IRX1: variants seen among roughly 807,000 people sequenced by gnomAD.
IRX1 encodes iroquois-class homeodomain protein IRX-1.
Under a neutral mutation model 34.1 loss-of-function variants are expected in IRX1, and 22 were observed. The ratio of observed to expected loss-of-function variants is 0.64; its 90% CI spans 0.46 to 0.92. IRX1 has a LOEUF of 0.92. Among genes scored for constraint, IRX1 ranks in the 40% least tolerant of loss-of-function variants. The pLI is 0.00. For synonymous variants in IRX1, 363 were observed against 319.0 expected, an observed-to-expected ratio of 1.14 and a Z score of -1.47; for missense variants, 758 against 680.0, an observed-to-expected ratio of 1.11 and a Z score of -1.28.
intron 1 of IRX1, 45 bp downstream of exon 1, chr5:3,596,426 G>T (rs1253819008): frequency 1.4e-6 from 2 of 1,424,520 alleles, no homozygotes; most frequent in Non-Finnish European, 1.8e-6. Context: ...TCTCACCCGC[G>T]CCAGGGCAAG....
Position 3,596,275 on chromosome 5 carries a change from T to C in IRX1, c.170T>C (p.Val57Ala). 1 of 1,273,446 alleles carries C rather than the reference T, an allele frequency of 7.9e-7. No homozygotes were observed. The highest frequency in any genetic ancestry group is 3.0e-5 in the East Asian group (1 of 32,884). 78.9% of individuals were successfully genotyped at this position (1,273,446 alleles called of 1,614,324 possible). ...ELGGGAGAAA[V>A]TSVLGMYAAA... ...GGCGGCGGGGCAGGCGCGGCTGCAG[T>C]CACCTCGGTGCTGGGCATGTACGCG... Residue 57 changes from valine to alanine, a missense_variant, in exon 1 of 4, where the codon GTC becomes GCC. Physicochemically the swap from Val to Ala is moderately conservative, Grantham distance 64 (BLOSUM62 0). Coordinates refer to ENST00000302006, the MANE Select transcript of IRX1 (RefSeq NM_024337.4).
chr5:3,596,539 C>T (rs1041767491), intron 1 of IRX1, among the ~76,000 whole-genome samples, 158 bp downstream of exon 1: 3 of 152,048 alleles, frequency 2.0e-5, no homozygotes, highest in African/African-American at 4.8e-5. Context: ...GCCGCGGCCC[C>T]CGGGGACGCA....
At chr5:3,597,088 A>G (rs1242755660) in intron 1 of IRX1, among the ~76,000 whole-genome samples, 4 of 152,146 alleles carry the variant, frequency 2.6e-5, no homozygotes, top group East Asian at 3.9e-4. Flanking sequence ...TTTCATTTGC[A>G]CAGAAAGAAA....
Position 3,596,302 on chromosome 5 carries a change from CG to C in IRX1, c.199del (p.Ala67ArgfsTer32). 6.9e-7 allele frequency: 1 copy of C among 1,454,854 alleles called. No homozygotes were observed. The highest frequency in any genetic ancestry group is 9.0e-7 in the Non-Finnish European group (1 of 1,106,086). The allele number at this position is 1,454,854 out of a possible 1,614,324, so 90.1% of individuals were successfully genotyped here. On this transcript the variant is annotated frameshift_variant, in exon 1 of 4. Transcript: ENST00000302006. LOFTEE classifies it high-confidence loss of function. ...ACCTCGGTGCTGGGCATGTACGCGG[CG>C]GCGGGGCCGTACGCGGGCGCGCCCA... is the stretch of plus-strand genomic sequence containing the variant. Reference protein sequence around the residue: ...AVTSVLGMYAAAGPYAGAPNY... With the variant: ...AVTSVLGMYAXAGPYAGAPNY...
At position 3,599,696 on chromosome 5, in the gene IRX1, G is replaced by A. The variant is rs1733904792; in HGVS notation, c.748G>A (p.Glu250Lys). 1 of 1,612,942 alleles carries A rather than the reference G, an allele frequency of 6.2e-7. No homozygotes were observed. Among genetic ancestry groups the A allele is most frequent in the Admixed American group, 1.7e-5 (1 of 59,998 alleles). The stretch of plus-strand genomic sequence containing the variant: ...CAACGAGGATGACGAGGACAAGGCC[G>A]AGGCTCCGCACGCGCCCGCAGCCCC... ...QSNEDDEDKAEAPHAPAAPSA... is the reference protein window; with the variant it reads ...QSNEDDEDKAKAPHAPAAPSA... Residue 250 changes from glutamate (E) to lysine (K), a missense_variant, in exon 2 of 4, where the codon GAG becomes AAG. Glu to Lys is a moderately conservative substitution (Grantham distance 56, BLOSUM62 1). Around this residue, in one of 3 missense-constraint regions of IRX1, gnomAD observed 529 missense variants for 418.8 expected, o/e 1.26. Transcript: ENST00000302006. This position sits in a 1 kb window ranked among gnomAD's most constrained non-coding sequence, Gnocchi z 6.6.
rs549380475 is a variant in IRX1 at position 3,596,664 on chromosome 5, C to A, written c.276+283C>A. On this transcript the variant is annotated intron_variant, in intron 1 of 3. Transcript: ENST00000302006. ...TTCAGAGAGGCCGCAGAAGCAGGCCCGTGGAGCGGTGCCCGCGCTGGAGGT... is the reference window on the plus strand; with the variant it reads ...TTCAGAGAGGCCGCAGAAGCAGGCCAGTGGAGCGGTGCCCGCGCTGGAGGT... 1.7e-4 allele frequency among the ~76,000 whole-genome samples: 26 copies of A among 152,226 alleles called. No homozygotes were observed. The South Asian group carries it at 5.4e-3, about 32-fold the overall frequency.
rs1265678640 is a variant in IRX1, at chr5:3,596,380, T to G, written c.275T>G (p.Met92Arg). Residue 92 changes from methionine (M) to arginine (R), a missense_variant and splice_region_variant, in exon 1 of 4, where the codon ATG (methionine) becomes AGG (arginine). Around this residue, in one of 3 missense-constraint regions of IRX1, gnomAD observed 195 missense variants for 195.0 expected, o/e 1.00. Transcript: ENST00000302006. ...YAADLSLFSQ[M>R]GSQYELKDNP... Reference sequence around the variant, plus strand: ...GCGGATCTCAGCCTCTTCTCGCAGATGGTGAGTGCGCCCGGCCTCCCCCGC... The same window carrying G: ...GCGGATCTCAGCCTCTTCTCGCAGAGGGTGAGTGCGCCCGGCCTCCCCCGC... The G allele has an allele frequency of 3.3e-6, 5 of 1,523,264 alleles. No individual in the cohort carries two copies. Among genetic ancestry groups the G allele is most frequent in the Non-Finnish European group, 3.5e-6 (4 of 1,138,586 alleles). The allele number at this position is 1,523,264 out of a possible 1,614,324, so 94.4% of individuals were successfully genotyped here. A position where few individuals can be genotyped will look rare whatever the true frequency, so the allele number is the denominator to read the frequency against.
Position 3,596,012 on chromosome 5 carries a change from C to T in IRX1, c.-94C>T. ...GCCGCCCGCTCCTCCCTAGACCCCT[C>T]GCGGCGCCCCCTGCAACCCCCTCCG... is the stretch of plus-strand genomic sequence containing the variant. On this transcript the variant is annotated 5_prime_UTR_variant, in exon 1 of 4. Coordinates refer to ENST00000302006, the MANE Select transcript of IRX1 (RefSeq NM_024337.4). 1.2e-6 allele frequency: 1 copy of T among 823,630 alleles called. No homozygotes were observed. The highest frequency in any genetic ancestry group is 1.5e-6 in the Non-Finnish European group (1 of 680,774). 51.0% of individuals were successfully genotyped at this position (823,630 alleles called of 1,614,324 possible). A position where few individuals can be genotyped will look rare whatever the true frequency, so the allele number is the denominator to read the frequency against.
chr5:3,598,685 C>G (rs910527388), intron 1 of IRX1, among the ~76,000 whole-genome samples: 3 of 152,134 alleles, frequency 2.0e-5, no homozygotes, highest in Non-Finnish European at 4.4e-5. Flanking sequence ...GGATTTAGAC[C>G]GGTAGAAAAC....
At position 3,599,752 on chromosome 5, in the gene IRX1, G is replaced by A. The variant is rs1315827594; in HGVS notation, c.804G>A (p.Pro268=). 3 of 1,609,804 alleles carry A rather than the reference G, an allele frequency of 1.9e-6. No homozygotes were observed. Among genetic ancestry groups the A allele is most frequent in the African/African-American group, 2.7e-5 (2 of 74,884 alleles). Residue 268 remains proline (P), a synonymous_variant, in exon 2 of 4, where the codon CCG becomes CCA. Coordinates refer to ENST00000302006, the MANE Select transcript of IRX1 (RefSeq NM_024337.4). The surrounding 1 kb of genome is among the most constrained non-coding windows in gnomAD (Gnocchi z 6.6). ...CTCTTGCCCGGGACCAAGGCTCGCC[G>A]CTGGCAGCAGCCGACGTTCTCAAGC... ...PSALARDQGS[P]LAAADVLKPQ...
In IRX1 at chr5:3,595,884, G is replaced by A. The variant is rs1013821889; in HGVS notation, c.-222G>A. Among the ~76,000 whole-genome samples the A allele has an allele frequency of 6.6e-6, 1 of 151,040 alleles. No individual in the cohort carries two copies. The highest frequency in any genetic ancestry group is 1.5e-5 in the Non-Finnish European group (1 of 67,632). ...AGGGCGGCCGCCGCAGTCGGCGCGC[G>A]ATTGCGGATCCGGGCGCAGCCGGGA... On this transcript the variant is annotated 5_prime_UTR_variant, in exon 1 of 4. Coordinates refer to ENST00000302006, the MANE Select transcript of IRX1 (RefSeq NM_024337.4).
At position 3,599,859 on chromosome 5, in the gene IRX1, G is replaced by T. The variant is rs759572666; in HGVS notation, c.911G>T (p.Gly304Val). 2.0e-6 allele frequency: 3 copies of T among 1,520,020 alleles called. No individual in the cohort carries two copies. The African/African-American group carries it at 4.2e-5, about 21-fold the overall frequency. The allele number at this position is 1,520,020 out of a possible 1,614,324, so 94.2% of individuals were successfully genotyped here. A position where few individuals can be genotyped will look rare whatever the true frequency, so the allele number is the denominator to read the frequency against. ...TRLLSPGAAA[G>V]GLQGAPHGKP... ...CTGCTGAGCCCCGGCGCTGCAGCGG[G>T]CGGCCTGCAGGGTGCGCCGCACGGC... Residue 304 changes from glycine to valine, a missense_variant, in exon 2 of 4, where the codon GGC becomes GTC. By Grantham distance (109) the Gly-to-Val change is moderately radical. Coordinates refer to ENST00000302006, the MANE Select transcript of IRX1 (RefSeq NM_024337.4). This position sits in a 1 kb window ranked among gnomAD's most constrained non-coding sequence, Gnocchi z 6.6.
chr5:3,598,957 C>CA (rs1195526665), intron 1 of IRX1, among the ~76,000 whole-genome samples: 1 of 152,122 alleles, frequency 6.6e-6, no homozygotes, highest in African/African-American at 2.4e-5. Flanking sequence ...TCTAGAGTGG[C>CA]AAAAACGATC....
At position 3,600,220 on chromosome 5, in the gene IRX1, T is replaced by C. The variant is rs844154; in HGVS notation, c.1272T>C (p.Asn424=). The C allele has an allele frequency of 0.91, 1,463,804 of 1,607,762 alleles. 668,188 individuals are homozygous for C. Among genetic ancestry groups the C allele is most frequent in the Non-Finnish European group, 0.93 (1,094,397 of 1,178,042 alleles). Residue 424 remains asparagine, a synonymous_variant, in exon 2 of 4, where the codon AAT becomes AAC. Coordinates refer to ENST00000302006, the MANE Select transcript of IRX1 (RefSeq NM_024337.4). ...PPVAIAPGAL[N]GDKASVRSSP... ...TCGCTATTGCCCCGGGGGCACTCAA[T>C]GGAGACAAGGCCTCGGTCCGCAGCA...
rs1359834799 is a variant in IRX1, at chr5:3,600,880, G to A, written c.1386-103G>A. 9 of 1,326,186 alleles carry A rather than the reference G, an allele frequency of 6.8e-6. No individual in the cohort carries two copies. The Middle Eastern group carries it at 5.8e-4, about 85-fold the overall frequency. 82.2% of individuals were successfully genotyped at this position (1,326,186 alleles called of 1,614,324 possible). A position where few individuals can be genotyped will look rare whatever the true frequency, so the allele number is the denominator to read the frequency against. On this transcript the variant is annotated intron_variant, in intron 3 of 3. Coordinates refer to ENST00000302006, the MANE Select transcript of IRX1 (RefSeq NM_024337.4). ...CCAGCCGGGAGCCGCGCTGGCTGTC[G>A]ACCCCGCCCCCAGGGCTCCGCTACT...
At position 3,600,152 on chromosome 5, in the gene IRX1, C is replaced by T. The variant is rs1733925202; in HGVS notation, c.1204C>T (p.His402Tyr). The T allele has an allele frequency of 6.2e-7, 1 of 1,613,160 alleles. No individual in the cohort carries two copies. The highest frequency in any genetic ancestry group is 8.5e-7 in the Non-Finnish European group (1 of 1,179,908). ...CGTTGGCGCTCCCCACGCCGCGCCC[C>T]ATGGCCCTCACCTTCCTGCACCTCC... ...LGVGAPHAAP[H>Y]GPHLPAPPPP... Residue 402 changes from histidine to tyrosine, a missense_variant, in exon 2 of 4, where the codon CAT (histidine) becomes TAT (tyrosine). His to Tyr is a moderately conservative substitution (Grantham distance 83). Around this residue, in one of 3 missense-constraint regions of IRX1, gnomAD observed 529 missense variants for 418.8 expected, o/e 1.26. Coordinates refer to ENST00000302006, the MANE Select transcript of IRX1 (RefSeq NM_024337.4).
chr5:3,600,437 CCCAAGAGAGCTTTGCCCTA>C (rs1733933107), intron 2 of IRX1, among the ~76,000 whole-genome samples, 153 bp from the exon 3 acceptor site: 1 of 152,236 alleles, frequency 6.6e-6, no homozygotes, highest in Non-Finnish European at 1.5e-5. Context: ...CTAGGGCTCT[CCCAAGAGAGCTTTGCCCTA>C]CCGGCGGGCC....
rs967200932 is a variant in IRX1, at chr5:3,596,199, G to T, written c.94G>T (p.Ala32Ser). 293 of 1,048,254 alleles carry T rather than the reference G, an allele frequency of 2.8e-4. No homozygotes were observed. The highest frequency in any genetic ancestry group is 3.2e-4 in the Non-Finnish European group (282 of 872,870). 64.9% of individuals were successfully genotyped at this position (1,048,254 alleles called of 1,614,324 possible). A position where few individuals can be genotyped will look rare whatever the true frequency, so the allele number is the denominator to read the frequency against. Residue 32 changes from alanine to serine, a missense_variant, in exon 1 of 4, where the codon GCT becomes TCT. By Grantham distance (99) the Ala-to-Ser change is moderately conservative. This residue lies in a region of IRX1 where 195 missense variants were observed against 195.0 expected (regional missense o/e 1.00). Coordinates refer to ENST00000302006, the MANE Select transcript of IRX1 (RefSeq NM_024337.4). ...GCGCCCGGGGGTGCTGGCCGCGGCC[G>T]CTGCGGCGGCTGCCGCCGCCTCGTC... ...GERPGVLAAA[A>S]AAAAAASSGR... is the part of the protein sequence containing the mutation.
In IRX1 at chr5:3,599,301, A is replaced by G; in HGVS notation, c.353A>G (p.Tyr118Cys). Residue 118 changes from tyrosine to cysteine, a missense_variant, in exon 2 of 4, where the codon TAC (tyrosine) becomes TGC (cysteine). Tyr to Cys is a radical substitution (Grantham distance 194). This residue lies in a region of IRX1 where 195 missense variants were observed against 195.0 expected (regional missense o/e 1.00). Transcript: ENST00000302006. The surrounding 1 kb of genome is among the most constrained non-coding windows in gnomAD (Gnocchi z 6.6). The stretch of plus-strand genomic sequence containing the variant: ...GCAGCCCACACGGCGCCGGCTTATT[A>G]CCCCTACGGCCAGTTCCAATACGGG... The part of the protein sequence containing the change: ...TFAAHTAPAY[Y>C]PYGQFQYGDP... 6.2e-7 allele frequency: 1 copy of G among 1,613,794 alleles called. No homozygotes were observed. The highest frequency in any genetic ancestry group is 8.5e-7 in the Non-Finnish European group (1 of 1,179,986).
Sources: allele counts gnomAD v4.1 joint callset (sites outside exome capture counted in the v4.1 genomes callset), GRCh38; gene constraint gnomAD v4.1.1; regional missense constraint gnomAD v4.1.1; non-coding constraint Gnocchi (gnomAD v3.1); transcripts MANE v1.5; gene names NCBI Gene and HGNC (gene_info 2026-07-23, HGNC 2026-07-21).